The following ZNF565 variants were observed in gnomAD, a reference collection of about 807,000 sequenced individuals.
ZNF565 encodes the protein zinc finger protein 565.
ZNF565 carries 27 observed loss-of-function variants against 39.4 expected under a neutral mutation model. The ratio of observed to expected loss-of-function variants is 0.69; its 90% confidence interval spans 0.51 to 0.95. ZNF565 has a LOEUF of 0.95. Among genes scored for constraint, ZNF565 ranks in the 40% least tolerant of loss-of-function variants. The pLI, the probability that ZNF565 is intolerant of heterozygous loss-of-function variation, is 0.00. For missense variants in ZNF565, 524 were observed against 621.1 expected (o/e 0.84, Z 1.66); for synonymous variants, 185 against 216.6 (o/e 0.85, Z 1.28).
At chr19:36,211,973 T>C (rs1599946761) in intron 1 of ZNF565, among the ~76,000 whole-genome samples, 2 of 152,174 alleles carry the variant, frequency 1.3e-5, no homozygotes, top group South Asian at 4.2e-4. Context: ...GCTTAAAGTA[T>C]TTCTTCACAA....
intron 1 of ZNF565, among the ~76,000 whole-genome samples, chr19:36,220,404 G>A (rs187184508): frequency 1.3e-3 from 191 of 149,016 alleles, no homozygotes; most frequent in East Asian, 9.2e-3. Context: ...TTGCTCTGTC[G>A]CCCAGGCTGG....
intron 2 of ZNF565, among the ~76,000 whole-genome samples, chr19:36,197,868 C>T (rs1329865841): frequency 6.6e-6 from 1 of 152,032 alleles, no homozygotes; most frequent in Non-Finnish European, 1.5e-5. Context: ...AATCAGTAGG[C>T]CAGGCGTGGT....
intron 1 of ZNF565, among the ~76,000 whole-genome samples, chr19:36,233,739 C>T: frequency 6.6e-6 from 1 of 152,194 alleles, no homozygotes. Context: ...GCCAGCATGT[C>T]CCACCTCCAG....
Position 36,183,285 on chromosome 19 carries a change from G to A in ZNF565, c.681C>T (p.Asp227=), listed in dbSNP as rs532030975. The A allele has an allele frequency of 1.9e-6, 3 of 1,614,028 alleles. No individual in the cohort carries two copies. The highest frequency in any genetic ancestry group is 1.1e-5 in the South Asian group (1 of 91,082). ...HTGEKPYDCK[D]CGKAFGRTSE... is the part of the protein sequence containing the mutation. ...ATGTACGACCAAAGGCCTTCCCACAGTCCTTACAGTCATAAGGTTTCTCAC... is the reference window on the plus strand; with the variant it reads ...ATGTACGACCAAAGGCCTTCCCACAATCCTTACAGTCATAAGGTTTCTCAC... The change falls in exon 5 of 5, where the codon GAC becomes GAT. Residue 227 remains aspartate, a synonymous_variant. Coordinates refer to ENST00000304116, the MANE Select transcript of ZNF565 (RefSeq NM_152477.5).
chr19:36,215,438 G>A (rs1226083044), upstream of ZNF565, among the ~76,000 whole-genome samples: 2 of 152,140 alleles, frequency 1.3e-5, no homozygotes, highest in Admixed American at 6.6e-5. Context: ...GTGTGTGATT[G>A]TGCCTAAGAG....
Position 36,183,220 on chromosome 19 carries a change from T to C in ZNF565, c.746A>G (p.Lys249Arg). Residue 249 changes from lysine (K) to arginine (R), a missense_variant, in exon 5 of 5, where the codon AAA becomes AGA. Transcript: ENST00000304116. ...ILHQRLHTGV[K>R]PYECKECGKT... The stretch of plus-strand genomic sequence containing the variant: ...CCCACATTCTTTACATTCATAAGGT[T>C]TGACACCAGTATGAAGTCTCTGATG... The C allele has an allele frequency of 1.2e-6, 2 of 1,614,080 alleles. No individual in the cohort carries two copies. The highest frequency in any genetic ancestry group is 2.7e-5 in the African/African-American group (2 of 75,012).
chr19:36,190,855 G>C (rs2145312627), intron 4 of ZNF565, among the ~76,000 whole-genome samples: 1 of 151,930 alleles, frequency 6.6e-6, no homozygotes. Flanking sequence ...AGCTGGGCGT[G>C]GTGGCGCACT....
At chr19:36,243,011 G>T (rs1247029616) in intron 1 of ZNF565, among the ~76,000 whole-genome samples, 1 of 152,106 alleles carries the variant, frequency 6.6e-6, no homozygotes, top group Non-Finnish European at 1.5e-5. Context: ...GAGAGTAAAT[G>T]TTGGGTTTTT....
upstream of ZNF565, among the ~76,000 whole-genome samples, chr19:36,217,055 CTTTTTTTTTT>C (rs752632008): frequency 1.5e-5 from 1 of 65,866 alleles, no homozygotes; most frequent in Non-Finnish European, 2.6e-5. Flanking sequence ...CAGTCCCTGT[CTTTTTTTTTT>C]TTTTTTTTTT....
chr19:36,215,125 A>C (rs1188756317), upstream of ZNF565: 2 of 152,178 alleles, frequency 1.3e-5, no homozygotes, highest in Non-Finnish European at 2.9e-5. Flanking sequence ...AGCGCAGCGC[A>C]CCGAGTGGAC....
intron 1 of ZNF565, among the ~76,000 whole-genome samples, chr19:36,208,294 T>C (rs925297157): frequency 6.6e-6 from 1 of 151,304 alleles, no homozygotes; most frequent in Admixed American, 6.6e-5. Context: ...TTCAGCCTCC[T>C]GGGCTAAGGT....
At position 36,237,485 on chromosome 19, in the gene ZNF565, T is replaced by TG. The variant is rs1394470892; in HGVS notation, c.55+7990dup. 8 of 754,892 alleles carry TG rather than the reference T, an allele frequency of 1.1e-5. No homozygotes were observed. The East Asian group carries it at 2.0e-4, about 19-fold the overall frequency. 46.8% of individuals were successfully genotyped at this position (754,892 alleles called of 1,614,324 possible). On this transcript the variant is annotated intron_variant, in intron 1 of 4. Coordinates refer to the ZNF565 transcript ENST00000355114. ...AAAATTTGTACTGAAGAGAAAGACA[T>TG]GCATATGATTAAAACCCTGTGTCCA...
At chr19:36,244,509 C>G (rs1203044320) in intron 1 of ZNF565, among the ~76,000 whole-genome samples, 1 of 151,974 alleles carries the variant, frequency 6.6e-6, no homozygotes, top group Non-Finnish European at 1.5e-5. Context: ...ATCGTGCACT[C>G]CGACCTGGGC....
intron 4 of ZNF565, among the ~76,000 whole-genome samples, chr19:36,186,262 G>C (rs1051125513): frequency 6.6e-6 from 1 of 152,160 alleles, no homozygotes; most frequent in Non-Finnish European, 1.5e-5. Context: ...GCTTCTAAAA[G>C]TATTGGGATT....
chr19:36,200,058 T>C (rs1975901352), intron 2 of ZNF565, among the ~76,000 whole-genome samples: 1 of 151,964 alleles, frequency 6.6e-6, no homozygotes, highest in African/African-American at 2.4e-5. Context: ...CAGAGTCTCA[T>C]TCTATCAGCC....
At chr19:36,226,035 G>A (rs1977052980) in intron 1 of ZNF565, among the ~76,000 whole-genome samples, 1 of 152,118 alleles carries the variant, frequency 6.6e-6, no homozygotes, top group African/African-American at 2.4e-5. Flanking sequence ...TTCCCAAAGT[G>A]CTGGGATTAG....
At chr19:36,204,923 G>A (rs1053151743) in intron 1 of ZNF565, among the ~76,000 whole-genome samples, 12 of 152,092 alleles carry the variant, frequency 7.9e-5, no homozygotes, top group Non-Finnish European at 1.2e-4. Context: ...GGGAGGCGGA[G>A]GTTGCAGTGA....
chr19:36,198,755 C>T (rs974631406), intron 2 of ZNF565, among the ~76,000 whole-genome samples: 16 of 152,028 alleles, frequency 1.1e-4, no homozygotes, highest in Admixed American at 2.0e-4. Context: ...CCCACCACCA[C>T]GCCCAGCTAA....
At chr19:36,196,096 T>C (rs1344711164) in intron 2 of ZNF565, among the ~76,000 whole-genome samples, 2 of 151,870 alleles carry the variant, frequency 1.3e-5, no homozygotes, top group African/African-American at 2.4e-5. Context: ...GCCGCCACAC[T>C]TGGCTAATTT....
Sources: allele counts gnomAD v4.1 joint callset (sites outside exome capture counted in the v4.1 genomes callset), GRCh38; gene constraint gnomAD v4.1.1; transcripts MANE v1.5; gene names NCBI Gene and HGNC (gene_info 2026-07-23, HGNC 2026-07-21).